The following ALDH4A1 variants were observed in gnomAD, a reference collection of about 807,000 sequenced individuals.
ALDH4A1 encodes delta-1-pyrroline-5-carboxylate dehydrogenase, mitochondrial.
A neutral mutation model predicts 70.5 loss-of-function variants in ALDH4A1; 46 were observed. The observed-to-expected ratio is 0.65, with a 90% CI of 0.51 to 0.83. The LOEUF (loss-of-function observed/expected upper bound fraction) is 0.83. ALDH4A1 is among the 40% of genes least tolerant of loss of function. The pLI, the probability that ALDH4A1 is intolerant of heterozygous loss-of-function variation, is 0.00. For synonymous variants in ALDH4A1, 323 were observed against 324.3 expected (o/e 1.00, Z 0.04); for missense variants, 749 against 766.5 (o/e 0.98, Z 0.27).
In ALDH4A1 at chr1:18,889,278, A is replaced by C. The variant is rs1175904550; in HGVS notation, c.249+84T>G. On this transcript the variant is annotated intron_variant, in intron 3 of 14. Coordinates refer to ENST00000375341, the MANE Select transcript of ALDH4A1 (RefSeq NM_003748.4). ...TATAAAGGCCTTGAAGTCAGAGCCC[A>C]CACATTATAAGCTTACGAGCTGTCA... is the stretch of plus-strand genomic sequence containing the variant. 2.3e-6 allele frequency: 3 copies of C among 1,289,252 alleles called. No homozygotes were observed. In the Admixed American group the frequency reaches 6.0e-5, roughly 26 times the overall value. 79.9% of individuals were successfully genotyped at this position (1,289,252 alleles called of 1,614,324 possible). A position where few individuals can be genotyped will look rare whatever the true frequency, so the allele number is the denominator to read the frequency against.
intron 1 of ALDH4A1, among the ~76,000 whole-genome samples, chr1:18,893,242 C>T (rs908292334): frequency 1.3e-5 from 2 of 152,178 alleles, no homozygotes; most frequent in South Asian, 2.1e-4. Flanking sequence ...AGAAAGTCTG[C>T]GAGCCTCAGT....
At chr1:18,896,165 A>T (rs1935609208) in intron 1 of ALDH4A1, among the ~76,000 whole-genome samples, 1 of 152,112 alleles carries the variant, frequency 6.6e-6, no homozygotes, top group Non-Finnish European at 1.5e-5. Flanking sequence ...AAACCCTATT[A>T]TAGAGCTCTG....
Position 18,874,453 on chromosome 1 carries a change from AC to A in ALDH4A1, c.1579+9del, listed in dbSNP as rs756504063. Reference sequence around the variant, plus strand: ...ACTCAGCTCCCCTGTGGGAAGGGGGACCCACTCACCAGAGGCTCGGGCCCCC... The same window carrying A: ...ACTCAGCTCCCCTGTGGGAAGGGGGACCACTCACCAGAGGCTCGGGCCCCC... On this transcript the variant is annotated intron_variant, in intron 14 of 14. Coordinates refer to ENST00000375341, the MANE Select transcript of ALDH4A1 (RefSeq NM_003748.4). The A allele has an allele frequency of 2.5e-6, 4 of 1,611,980 alleles. No individual in the cohort carries two copies. Among genetic ancestry groups the A allele is most frequent in the Non-Finnish European group, 3.4e-6 (4 of 1,178,680 alleles).
At position 18,877,504 on chromosome 1, in the gene ALDH4A1, G is replaced by A. The variant is rs756567062; in HGVS notation, c.1049C>T (p.Ala350Val). 9 of 1,609,448 alleles carry A rather than the reference G, an allele frequency of 5.6e-6. No homozygotes were observed. The highest frequency in any genetic ancestry group is 1.3e-5 in the African/African-American group (1 of 74,866). ...AFEYGGQKCS[A>V]CSRLYVPHSL... ...GTGCGGCACGTAGAGACGCGAGCAC[G>A]CGGAACACTTCTGGCCACCGTACTC... Residue 350 changes from alanine (A) to valine (V), a missense_variant, in exon 10 of 15, where the codon GCG becomes GTG. Physicochemically the swap from Ala to Val is moderately conservative, Grantham distance 64. Coordinates refer to ENST00000375341, the MANE Select transcript of ALDH4A1 (RefSeq NM_003748.4).
intron 1 of ALDH4A1, among the ~76,000 whole-genome samples, chr1:18,895,385 T>C (rs28605607): frequency 0.081 from 12,229 of 151,820 alleles, 741 homozygotes; most frequent in African/African-American, 0.17. Flanking sequence ...CCTCCTGCAC[T>C]GGAAGTTGTC....
At chr1:18,886,602 A>G in intron 3 of ALDH4A1, 91 bp from the exon 4 acceptor site, 2 of 1,427,334 alleles carry the variant, frequency 1.4e-6, no homozygotes, top group Non-Finnish European at 2.0e-6. Context: ...TTTTCCAGGA[A>G]AGTCCTGGAC....
chr1:18,888,280 A>G (rs997587208), intron 3 of ALDH4A1, among the ~76,000 whole-genome samples: 1 of 152,176 alleles, frequency 6.6e-6, no homozygotes, highest in Non-Finnish European at 1.5e-5. Context: ...CACACCTGAG[A>G]TTGGCCTGTG....
chr1:18,877,667 C>T, intron 9 of ALDH4A1, 55 bp from the exon 10 acceptor site: 1 of 1,439,592 alleles, frequency 6.9e-7, no homozygotes, highest in Admixed American at 1.8e-5. Context: ...CCCGGTTGCC[C>T]AGGGGCCCAA....
At chr1:18,879,807 C>CA (rs1934892027) in intron 8 of ALDH4A1, among the ~76,000 whole-genome samples, 1 of 152,190 alleles carries the variant, frequency 6.6e-6, no homozygotes, top group Non-Finnish European at 1.5e-5. Context: ...GGATCCCCCC[C>CA]AAGCCCAGCG....
At chr1:18,895,775 C>G (rs971073718) in intron 1 of ALDH4A1, among the ~76,000 whole-genome samples, 2 of 152,216 alleles carry the variant, frequency 1.3e-5, no homozygotes, top group Non-Finnish European at 2.9e-5. Flanking sequence ...GCCCAAGACA[C>G]CTCGTCCGAG....
Position 18,874,522 on chromosome 1 carries a change from T to C in ALDH4A1, c.1520A>G (p.Asn507Ser). Residue 507 changes from asparagine to serine, a missense_variant, in exon 14 of 15, where the codon AAC becomes AGC. By Grantham distance (46) the Asn-to-Ser change is conservative. Transcript: ENST00000375341. Reference sequence around the variant, plus strand: ...CACTATCGAGCCAGTGGACTTGTCGTTGATGTAGAAGTTGCCGGCAGCATT... The same window carrying C: ...CACTATCGAGCCAGTGGACTTGTCGCTGATGTAGAAGTTGCCGGCAGCATT... ...LRNAAGNFYI[N>S]DKSTGSIVGQ... 5 of 1,614,120 alleles carry C rather than the reference T, an allele frequency of 3.1e-6. No homozygotes were observed. Among genetic ancestry groups the C allele is most frequent in the Non-Finnish European group, 4.2e-6 (5 of 1,180,020 alleles).
chr1:18,873,101 C>T (rs1354375691), intron 14 of ALDH4A1, 144 bp from the exon 15 acceptor site: 9 of 725,684 alleles, frequency 1.2e-5, no homozygotes, highest in Admixed American at 2.0e-5. Context: ...TGCAGAAGAG[C>T]CAGAGGGATG....
At position 18,872,870 on chromosome 1, in the gene ALDH4A1, T is replaced by TC; in HGVS notation, c.1666dup (p.Asp556GlyfsTer51). 6.2e-7 allele frequency: 1 copy of TC among 1,613,894 alleles called. No individual in the cohort carries two copies. Among genetic ancestry groups the TC allele is most frequent in the Non-Finnish European group, 8.5e-7 (1 of 1,179,958 alleles). On this transcript the variant is annotated frameshift_variant, in exon 15 of 15. Transcript: ENST00000375341. LOFTEE classifies it high-confidence loss of function. ...TCACTGCATGTACGCGTAGCTCCAG[T>TC]CCCCCAGGGGCTTATGTGTCTCCTT...
intron 1 of ALDH4A1, among the ~76,000 whole-genome samples, chr1:18,894,197 T>A (rs1935538015): frequency 6.6e-6 from 1 of 152,146 alleles, no homozygotes; most frequent in Admixed American, 6.5e-5. Flanking sequence ...CTGGCCCAGG[T>A]ACTCAGCAAC....
rs908829278 is a variant in ALDH4A1, at chr1:18,883,918, C to T, written c.454-490G>A. Among the ~76,000 whole-genome samples, 3 of 152,244 alleles carry T rather than the reference C, an allele frequency of 2.0e-5. 1 individual carries two copies. Among genetic ancestry groups the T allele is most frequent in the Admixed American group, 2.0e-4 (3 of 15,302 alleles). ...GTTCGGCCTTGCTGGTTAGTTTGGG[C>T]CAAAAACCAAGAGGCGAGTGACTGT... is the stretch of plus-strand genomic sequence containing the variant. On this transcript the variant is annotated intron_variant, in intron 5 of 14. Coordinates refer to ENST00000375341, the MANE Select transcript of ALDH4A1 (RefSeq NM_003748.4).
chr1:18,874,350 A>G (rs916624302), intron 14 of ALDH4A1, 113 bp downstream of exon 14: 23 of 1,019,078 alleles, frequency 2.3e-5, no homozygotes, highest in Non-Finnish European at 3.0e-5. Context: ...TTGGCCCACA[A>G]TAAGTGCTCA....
intron 1 of ALDH4A1, 38 bp from the exon 2 acceptor site, chr1:18,890,143 A>T: frequency 6.5e-7 from 1 of 1,545,976 alleles, no homozygotes. Context: ...CAGAGAGGTC[A>T]GCAGCGGCCC....
chr1:18,893,702 C>T (rs894587131), intron 1 of ALDH4A1, among the ~76,000 whole-genome samples: 1 of 152,178 alleles, frequency 6.6e-6, no homozygotes, highest in Non-Finnish European at 1.5e-5. Flanking sequence ...TGGGGTTTCA[C>T]CATGTTGGCC....
chr1:18,889,733 G>A (rs1935362236), intron 2 of ALDH4A1, among the ~76,000 whole-genome samples: 1 of 152,214 alleles, frequency 6.6e-6, no homozygotes, highest in African/African-American at 2.4e-5. Flanking sequence ...TTTTTAAAAT[G>A]CTGGCAATTA....
Sources: allele counts gnomAD v4.1 joint callset (sites outside exome capture counted in the v4.1 genomes callset), GRCh38; gene constraint gnomAD v4.1.1; transcripts MANE v1.5; gene names NCBI Gene and HGNC (gene_info 2026-07-23, HGNC 2026-07-21).